The following BRWD1 variants were observed in gnomAD, a reference collection of about 807,000 sequenced individuals.
BRWD1 encodes the protein bromodomain and WD repeat domain containing 1.
Under a neutral mutation model 251.2 loss-of-function variants are expected in BRWD1, and 82 were observed. The observed-to-expected ratio is 0.33, with a 90% confidence interval of 0.27 to 0.39. The LOEUF is 0.39. Ranked by LOEUF, BRWD1 falls within the 10% of genes least tolerant of loss-of-function variation. The pLI is 1.00. For missense variants in BRWD1, 2,233 were observed against 2,711.6 expected, an observed-to-expected ratio of 0.82 and a Z score of 3.92; for synonymous variants, 918 against 902.8, an observed-to-expected ratio of 1.02 and a Z score of -0.30.
intron 37 of BRWD1, among the ~76,000 whole-genome samples, chr21:39,203,806 G>C (rs1052912395): frequency 6.7e-5 from 10 of 150,048 alleles, no homozygotes; most frequent in Non-Finnish European, 1.3e-4. Context: ...TAATTGTCAA[G>C]GCTGTAATAT....
chr21:39,218,765 C>T lies in BRWD1; in HGVS notation c.3383-105G>A. 3 of 912,380 alleles carry T rather than the reference C, an allele frequency of 3.3e-6. No individual in the cohort carries two copies. The South Asian group carries it at 7.8e-5, about 24-fold the overall frequency. 56.5% of individuals were successfully genotyped at this position (912,380 alleles called of 1,614,324 possible). ...ATAGCTTATAAAACTAGGTTATCTCCACAGTCAAAAATAGAGTTCAAATGT... is the reference window on the plus strand; with the variant it reads ...ATAGCTTATAAAACTAGGTTATCTCTACAGTCAAAAATAGAGTTCAAATGT... On this transcript the variant is annotated intron_variant, in intron 29 of 40. Transcript: ENST00000342449.
intron 36 of BRWD1, among the ~76,000 whole-genome samples, chr21:39,207,240 G>A (rs2032436140): frequency 6.6e-6 from 1 of 152,024 alleles, no homozygotes; most frequent in Non-Finnish European, 1.5e-5. Flanking sequence ...TTCAAGACTA[G>A]CTTGGCCAAT....
chr21:39,237,470 A>G (rs1018981513), intron 22 of BRWD1, among the ~76,000 whole-genome samples: 3 of 152,176 alleles, frequency 2.0e-5, no homozygotes, highest in African/African-American at 7.2e-5. Context: ...ACTTCAACCA[A>G]CCACACACCT....
intron 31 of BRWD1, 69 bp from the exon 32 acceptor site, chr21:39,215,431 C>T (rs2032847243): frequency 7.4e-7 from 1 of 1,355,502 alleles, no homozygotes; most frequent in South Asian, 1.3e-5. Flanking sequence ...AAAAATGCAG[C>T]ATGTGAATTA....
intron 10 of BRWD1, chr21:39,278,412 A>G (rs1462596241): frequency 8.3e-6 from 2 of 240,476 alleles, no homozygotes; most frequent in East Asian, 1.6e-4. Context: ...TTAAACTATC[A>G]AACATACACA....
At chr21:39,230,241 C>G (rs1000435202) in intron 25 of BRWD1, among the ~76,000 whole-genome samples, 3 of 152,170 alleles carry the variant, frequency 2.0e-5, no homozygotes, top group African/African-American at 7.2e-5. Flanking sequence ...AAGTCCCTAC[C>G]TGGATGGAGT....
intron 4 of BRWD1, among the ~76,000 whole-genome samples, chr21:39,308,404 C>T (rs2036357496): frequency 6.7e-6 from 1 of 149,518 alleles, no homozygotes; most frequent in Admixed American, 6.8e-5. Context: ...ACTGCATGAA[C>T]CTGTGAGGCA....
chr21:39,248,391 C>CACTT (rs1214259747), intron 20 of BRWD1, among the ~76,000 whole-genome samples: 1 of 151,890 alleles, frequency 6.6e-6, no homozygotes, highest in Non-Finnish European at 1.5e-5. Context: ...GCAGGCAGAT[C>CACTT]ACTTGAGCCC....
intron 4 of BRWD1, among the ~76,000 whole-genome samples, chr21:39,307,133 TG>T (rs2036312644): frequency 6.6e-6 from 1 of 152,216 alleles, no homozygotes; most frequent in South Asian, 2.1e-4. Context: ...GGATGACAGG[TG>T]TGAGCCACTG....
chr21:39,262,434 T>C (rs1336768798), intron 17 of BRWD1, among the ~76,000 whole-genome samples: 1 of 152,216 alleles, frequency 6.6e-6, no homozygotes, highest in East Asian at 1.9e-4. Flanking sequence ...TTACACTTTG[T>C]GGCCAAGCGC....
upstream of BRWD1, chr21:39,314,524 TG>T: frequency 2.8e-6 from 1 of 355,758 alleles, no homozygotes; most frequent in Non-Finnish European, 5.6e-6. Context: ...AGAATCCTCT[TG>T]GAAGACTAGT....
intron 29 of BRWD1, 22 bp downstream of exon 29, chr21:39,224,386 A>G (rs1371922941): frequency 2.1e-6 from 3 of 1,451,600 alleles, no homozygotes; most frequent in Middle Eastern, 2.1e-4. Context: ...AAATGTTTTC[A>G]TTATTTAACA....
chr21:39,258,562 G>C lies in BRWD1; in HGVS notation c.1996C>G (p.Gln666Glu). ...TGATCTGCTCCCATTCTCTGATCTT[G>C]CTGCTGCTGCAACTGTCTTATCATT... is the stretch of plus-strand genomic sequence containing the variant. Reference protein sequence around the residue: ...DGMIRQLQQQQDQRMGADQDT... With the variant: ...DGMIRQLQQQEDQRMGADQDT... The change falls in exon 18 of 41, where the codon CAA (glutamine) becomes GAA (glutamate). Residue 666 changes from glutamine to glutamate, a missense_variant. Gln to Glu is a conservative substitution (Grantham distance 29, BLOSUM62 2). Transcript: ENST00000342449. 1 of 1,613,194 alleles carries C rather than the reference G, an allele frequency of 6.2e-7. No individual in the cohort carries two copies. Among genetic ancestry groups the C allele is most frequent in the Non-Finnish European group, 8.5e-7 (1 of 1,179,552 alleles).
chr21:39,257,563 G>C (rs1372401425), intron 18 of BRWD1, among the ~76,000 whole-genome samples: 1 of 151,766 alleles, frequency 6.6e-6, no homozygotes, highest in Non-Finnish European at 1.5e-5. Flanking sequence ...TTTTAAAAAA[G>C]GCCATGAGGA....
At chr21:39,217,044 T>C (rs1314458217) in intron 31 of BRWD1, 20 of 17,640 alleles carry the variant, frequency 1.1e-3, no homozygotes, top group African/African-American at 3.9e-3. Context: ...TAAATATATA[T>C]ATATATTTAT....
At position 39,297,458 on chromosome 21, in the gene BRWD1, G is replaced by A. The variant is rs143328616; in HGVS notation, c.349+974C>T. 3.3e-5 allele frequency: 31 copies of A among 949,398 alleles called. No homozygotes were observed. In the African/African-American group the frequency reaches 3.7e-4, roughly 11 times the overall value. The allele number at this position is 949,398 out of a possible 1,614,324, so 58.8% of individuals were successfully genotyped here. The stretch of plus-strand genomic sequence containing the variant: ...AAATCACTGCTCATCACAAAACAAC[G>A]ACATGGAGCTTGACACAAGTAAAGA... On this transcript the variant is annotated intron_variant, in intron 5 of 40. Transcript: ENST00000342449.
chr21:39,300,776 C>G (rs912710059), intron 4 of BRWD1, among the ~76,000 whole-genome samples: 21 of 152,172 alleles, frequency 1.4e-4, no homozygotes, highest in African/African-American at 4.6e-4. Context: ...AGAGATGGCC[C>G]AGATGTTCAA....
At chr21:39,278,584 G>A (rs1263604372) in intron 10 of BRWD1, 159 bp downstream of exon 10, 3 of 557,496 alleles carry the variant, frequency 5.4e-6, no homozygotes, top group Non-Finnish European at 9.4e-6. Context: ...AGGACTGGAA[G>A]AACAAGGCTA....
chr21:39,214,288 A>C (rs569340642), intron 32 of BRWD1, among the ~76,000 whole-genome samples: 1 of 152,348 alleles, frequency 6.6e-6, no homozygotes, highest in African/African-American at 2.4e-5. Flanking sequence ...TTGATTCTGA[A>C]TACTTCTGAA....
Sources: allele counts gnomAD v4.1 joint callset (sites outside exome capture counted in the v4.1 genomes callset), GRCh38; gene constraint gnomAD v4.1.1; transcripts MANE v1.5; gene names NCBI Gene and HGNC (gene_info 2026-07-23, HGNC 2026-07-21).